MYOT: variants seen among roughly 807,000 people sequenced by gnomAD.
MYOT encodes myotilin, also known as 57 kDa cytoskeletal protein.
In MYOT, 36 loss-of-function variants were observed where a neutral mutation model predicts 58.0. The observed-to-expected ratio is 0.62, with a 90% CI of 0.48 to 0.82. MYOT has a LOEUF of 0.82. MYOT is among the 40% of genes least tolerant of loss of function. The pLI is 0.00. For synonymous variants in MYOT, 218 were observed against 204.6 expected (o/e 1.07, Z -0.56); for missense variants, 505 against 592.1 (o/e 0.85, Z 1.53).
chr5:137,882,452 CTTTTT>C (rs538339394), intron 6 of MYOT, among the ~76,000 whole-genome samples: 1 of 144,274 alleles, frequency 6.9e-6, no homozygotes, highest in Non-Finnish European at 1.5e-5. Context: ...GTACAATGCC[CTTTTT>C]TTTTTTTTTG....
In MYOT at chr5:137,885,957, A is replaced by G. The variant is rs1244908056; in HGVS notation, c.1025-91A>G. On this transcript the variant is annotated intron_variant, in intron 7 of 9. Coordinates refer to ENST00000239926, the MANE Select transcript of MYOT (RefSeq NM_006790.3). The stretch of plus-strand genomic sequence containing the variant: ...GTTGCTGTTGCTTTTTAACATTTTA[A>G]TATCAACATACAAATTTCATAATAC... The G allele has an allele frequency of 1.4e-5, 12 of 840,498 alleles. No homozygotes were observed. In the East Asian group the frequency reaches 2.5e-4, roughly 17 times the overall value. 52.1% of individuals were successfully genotyped at this position (840,498 alleles called of 1,614,324 possible).
At chr5:137,883,628 A>C in intron 7 of MYOT, 37 bp downstream of exon 7, 1 of 1,571,574 alleles carries the variant, frequency 6.4e-7, no homozygotes, top group Non-Finnish European at 8.8e-7. Context: ...ATTCCTTAAA[A>C]TCCAGAAGTA....
chr5:137,882,537 C>T (rs1755470620), intron 6 of MYOT, among the ~76,000 whole-genome samples: 2 of 151,934 alleles, frequency 1.3e-5, no homozygotes, highest in African/African-American at 4.8e-5. Context: ...CAACCTGTCT[C>T]CCAGGCTCAA....
chr5:137,878,459 G>C (rs1755304587), intron 4 of MYOT, among the ~76,000 whole-genome samples: 1 of 151,664 alleles, frequency 6.6e-6, no homozygotes, highest in Non-Finnish European at 1.5e-5. Flanking sequence ...AAAAGTGCTA[G>C]GATTATAGGC....
intron 7 of MYOT, among the ~76,000 whole-genome samples, chr5:137,883,894 G>T (rs1681121464): frequency 6.6e-6 from 1 of 152,112 alleles, no homozygotes; most frequent in Non-Finnish European, 1.5e-5. Context: ...TGAAGCATAA[G>T]CATTTCTAGA....
Position 137,887,507 on chromosome 5 carries a change from A to G in MYOT, c.*122A>G. 1 of 686,966 alleles carries G rather than the reference A, an allele frequency of 1.5e-6. No homozygotes were observed. The highest frequency in any genetic ancestry group is 2.5e-5 in the South Asian group (1 of 39,516). 42.6% of individuals were successfully genotyped at this position (686,966 alleles called of 1,614,324 possible). On this transcript the variant is annotated 3_prime_UTR_variant, in exon 10 of 10. Transcript: ENST00000239926. The stretch of plus-strand genomic sequence containing the variant: ...TGGTTTTAATTAGGTAATATAGTTA[A>G]TATATATTTATAATATTATTTATCC...
rs111826015 is a variant in MYOT at position 137,883,592 on chromosome 5, G to C, written c.1024+1G>C. 6.2e-7 allele frequency: 1 copy of C among 1,613,672 alleles called. No individual in the cohort carries two copies. Among genetic ancestry groups the C allele is most frequent in the South Asian group, 1.1e-5 (1 of 91,068 alleles). The stretch of plus-strand genomic sequence containing the variant: ...TTCACTGTGCAGCTGGATGTCCTTG[G>C]TAAGCCTCCAAAGAGACCCTTGAGA... On this transcript the variant is annotated splice_donor_variant, in intron 7 of 9. Transcript: ENST00000239926. LOFTEE classifies it high-confidence loss of function.
intron 2 of MYOT, among the ~76,000 whole-genome samples, chr5:137,872,382 ATTT>A (rs774161400): frequency 1.6e-4 from 25 of 152,294 alleles, no homozygotes; most frequent in Non-Finnish European, 2.9e-4. Context: ...ATCTAGAAGA[ATTT>A]TTTGTTTTTC....
chr5:137,882,357 A>G (rs921563825), intron 6 of MYOT, among the ~76,000 whole-genome samples: 1 of 152,218 alleles, frequency 6.6e-6, no homozygotes, highest in African/African-American at 2.4e-5. Flanking sequence ...AATACCCCAA[A>G]AAATTATGAG....
At chr5:137,870,126 TAAAA>T (rs566265335) in intron 1 of MYOT, among the ~76,000 whole-genome samples, 1 of 86,916 alleles carries the variant, frequency 1.2e-5, no homozygotes. Context: ...CTGTCTCTAC[TAAAA>T]AAAAAAAAAA....
chr5:137,884,900 T>A (rs1317142360), intron 7 of MYOT, among the ~76,000 whole-genome samples: 1 of 152,240 alleles, frequency 6.6e-6, no homozygotes, highest in Non-Finnish European at 1.5e-5. Context: ...TTCTTGAGTT[T>A]ATATTCTACC....
In MYOT at chr5:137,887,550, C is replaced by T. The variant is rs894386492; in HGVS notation, c.*165C>T. The T allele has an allele frequency of 8.0e-5, 32 of 400,594 alleles. No individual in the cohort carries two copies. Among genetic ancestry groups the T allele is most frequent in the Non-Finnish European group, 1.2e-4 (31 of 254,514 alleles). The allele number at this position is 400,594 out of a possible 1,614,324, so 24.8% of individuals were successfully genotyped here. A position where few individuals can be genotyped will look rare whatever the true frequency, so the allele number is the denominator to read the frequency against. ...ATTTATCCTTTGACTCTTGCACATT[C>T]TATGTACCCCTCCGATTTGTGAAGC... On this transcript the variant is annotated 3_prime_UTR_variant, in exon 10 of 10. Coordinates refer to ENST00000239926, the MANE Select transcript of MYOT (RefSeq NM_006790.3).
In MYOT at chr5:137,886,846, T is replaced by TA; in HGVS notation, c.1191-13dup. On this transcript the variant is annotated splice_polypyrimidine_tract_variant and intron_variant, in intron 8 of 9. Transcript: ENST00000239926. ...AAATAATTCCTGTACTTTCATTTCT[T>TA]AAAAATTTTTATTTCAGCTTATATC... is the stretch of plus-strand genomic sequence containing the variant. The TA allele has an allele frequency of 6.6e-7, 1 of 1,513,370 alleles. No homozygotes were observed. The highest frequency in any genetic ancestry group is 9.2e-7 in the Non-Finnish European group (1 of 1,089,836). 93.7% of individuals were successfully genotyped at this position (1,513,370 alleles called of 1,614,324 possible).
At position 137,870,823 on chromosome 5, in the gene MYOT, C is replaced by G. The variant is rs1755026745; in HGVS notation, c.172C>G (p.Leu58Val). The G allele has an allele frequency of 6.2e-7, 1 of 1,614,194 alleles. No individual in the cohort carries two copies. Among genetic ancestry groups the G allele is most frequent in the Non-Finnish European group, 8.5e-7 (1 of 1,180,030 alleles). ...TEQRFSASST[L>V]SSHITMSSSA... ...GCAAAGATTTTCTGCCTCCTCAACACTGAGCTCTCACATCACCATGTCCTC... is the reference window on the plus strand; with the variant it reads ...GCAAAGATTTTCTGCCTCCTCAACAGTGAGCTCTCACATCACCATGTCCTC... The change falls in exon 2 of 10, where the codon CTG becomes GTG. Residue 58 changes from leucine to valine, a missense_variant. Leu to Val is a conservative substitution (Grantham distance 32). Coordinates refer to ENST00000239926, the MANE Select transcript of MYOT (RefSeq NM_006790.3).
rs757737824 is a variant in MYOT at position 137,886,844 on chromosome 5, C to G, written c.1191-20C>G. The G allele has an allele frequency of 8.0e-6, 12 of 1,505,158 alleles. No individual in the cohort carries two copies. The highest frequency in any genetic ancestry group is 1.1e-5 in the Non-Finnish European group (12 of 1,082,798). The allele number at this position is 1,505,158 out of a possible 1,614,324, so 93.2% of individuals were successfully genotyped here. On this transcript the variant is annotated intron_variant, in intron 8 of 9. Coordinates refer to ENST00000239926, the MANE Select transcript of MYOT (RefSeq NM_006790.3). ...AGAAATAATTCCTGTACTTTCATTT[C>G]TTAAAAATTTTTATTTCAGCTTATA... is the stretch of plus-strand genomic sequence containing the variant.
chr5:137,872,352 TCC>T (rs138599382), intron 2 of MYOT, among the ~76,000 whole-genome samples: 3 of 152,328 alleles, frequency 2.0e-5, no homozygotes, highest in Non-Finnish European at 4.4e-5. Context: ...TTTCCATATT[TCC>T]TATATTAGCA....
intron 1 of MYOT, 137 bp from the exon 2 acceptor site, chr5:137,870,304 C>CACACAG (rs1273975111): frequency 2.6e-6 from 1 of 387,366 alleles, no homozygotes. Context: ...CACACACACA[C>CACACAG]ACACACACAC....
At chr5:137,884,252 G>A (rs1755526747) in intron 7 of MYOT, among the ~76,000 whole-genome samples, 1 of 152,092 alleles carries the variant, frequency 6.6e-6, no homozygotes, top group Non-Finnish European at 1.5e-5. Context: ...CTACTAGAGA[G>A]GCTAAGGCAG....
intron 3 of MYOT, among the ~76,000 whole-genome samples, chr5:137,876,764 A>G (rs913643155): frequency 2.0e-5 from 3 of 152,310 alleles, no homozygotes; most frequent in Middle Eastern, 3.4e-3. Context: ...AGATCGTGCC[A>G]CTGCACTCCA....
Sources: gnomAD v4.1 joint callset for allele counts (sites outside exome capture counted in the v4.1 genomes callset) on GRCh38, gnomAD v4.1.1 for gene constraint, MANE v1.5 for transcripts, NCBI Gene and HGNC (gene_info 2026-07-23, HGNC 2026-07-21) for gene names.